Variants in ATP8B4 observed in about 807,000 individuals in gnomAD.
The protein encoded by ATP8B4 is ATPase phospholipid transporting 8B4 (putative), also known as probable phospholipid-transporting ATPase IM.
In ATP8B4, 133 loss-of-function variants were observed where a neutral mutation model predicts 145.6. That is an observed-to-expected ratio of 0.91 (90% CI 0.79 to 1.05). The LOEUF (loss-of-function observed/expected upper bound fraction) is 1.05. Ranked by LOEUF, ATP8B4 falls within the 50% of genes least tolerant of loss-of-function variation. ATP8B4 has a pLI of 0.00. For missense variants in ATP8B4, 1,458 were observed against 1,425.2 expected (o/e 1.02, Z -0.37); for synonymous variants, 507 against 492.9 (o/e 1.03, Z -0.38).
intron 2 of ATP8B4, among the ~76,000 whole-genome samples, chr15:50,096,183 A>G (rs1868461341): frequency 6.6e-6 from 1 of 152,218 alleles, no homozygotes; most frequent in Non-Finnish European, 1.5e-5. Context: ...GAGGCAGAGC[A>G]GCCTGAGAAG....
intron 1 of ATP8B4, among the ~76,000 whole-genome samples, chr15:50,172,423 C>A (rs572450509): frequency 1.3e-5 from 2 of 152,258 alleles, no homozygotes; most frequent in African/African-American, 2.4e-5. Flanking sequence ...GGATTGCAGA[C>A]GGAGTCTCGC....
At chr15:49,908,081 G>C (rs2038820318) in intron 20 of ATP8B4, 1 of 455,850 alleles carries the variant, frequency 2.2e-6, no homozygotes, top group Non-Finnish European at 4.4e-6. Context: ...TGTCCAACAG[G>C]GAAAACAGTA....
At chr15:49,939,889 C>CA (rs1463959412) in intron 14 of ATP8B4, among the ~76,000 whole-genome samples, 8 of 151,968 alleles carry the variant, frequency 5.3e-5, no homozygotes, top group Non-Finnish European at 1.2e-4. Context: ...ATTAGAAAGC[C>CA]AAAAACAACA....
intron 3 of ATP8B4, among the ~76,000 whole-genome samples, chr15:50,067,060 C>G (rs1185485118): frequency 6.6e-6 from 1 of 152,076 alleles, no homozygotes; most frequent in African/African-American, 2.4e-5. Context: ...TTCCCTCCCA[C>G]TCTCTAACAA....
At chr15:50,140,701 G>T (rs1247421421) in intron 1 of ATP8B4, among the ~76,000 whole-genome samples, 1 of 152,120 alleles carries the variant, frequency 6.6e-6, no homozygotes, top group Admixed American at 6.5e-5. Flanking sequence ...GAAAACTACT[G>T]ACATATGATT....
intron 25 of ATP8B4, among the ~76,000 whole-genome samples, chr15:49,873,748 G>A (rs1207519041): frequency 6.6e-6 from 1 of 152,132 alleles, no homozygotes; most frequent in Non-Finnish European, 1.5e-5. Context: ...TGTGGCGACC[G>A]CAGCACATCC....
intron 6 of ATP8B4, among the ~76,000 whole-genome samples, chr15:50,029,238 T>TAAAAAAAA (rs58363112): frequency 0.034 from 2,634 of 76,428 alleles, 175 homozygotes; most frequent in African/African-American, 0.062. Context: ...GACTCCATCT[T>TAAAAAAAA]AAAAAAAAAA....
intron 7 of ATP8B4, among the ~76,000 whole-genome samples, chr15:50,010,208 T>A (rs2048625304): frequency 6.6e-6 from 1 of 152,124 alleles, no homozygotes; most frequent in Non-Finnish European, 1.5e-5. Context: ...TCTCAATAAC[T>A]TTTGTTACCT....
chr15:50,095,746 C>G (rs1371040836), intron 2 of ATP8B4, among the ~76,000 whole-genome samples: 1 of 141,528 alleles, frequency 7.1e-6, no homozygotes, highest in Non-Finnish European at 1.5e-5. Flanking sequence ...CAGTGAGACC[C>G]TGTTTCTAAA....
chr15:49,895,498 G>T (rs752682377), intron 23 of ATP8B4: 7 of 152,166 alleles, frequency 4.6e-5, no homozygotes, highest in African/African-American at 9.7e-5. Context: ...AGAGATTTCA[G>T]TGTAAAAAAA....
chr15:49,894,419 A>G (rs1308077190), intron 23 of ATP8B4, among the ~76,000 whole-genome samples: 1 of 152,174 alleles, frequency 6.6e-6, no homozygotes. Flanking sequence ...CAGAGGCCCA[A>G]TTATTTTTAT....
At chr15:50,108,856 T>C (rs1188574886) in intron 1 of ATP8B4, among the ~76,000 whole-genome samples, 2 of 152,224 alleles carry the variant, frequency 1.3e-5, no homozygotes, top group Non-Finnish European at 2.9e-5. Flanking sequence ...CAAGGCTCCA[T>C]AGCTGTATCT....
chr15:49,970,727 C>T (rs892219910), intron 13 of ATP8B4, among the ~76,000 whole-genome samples: 1 of 152,174 alleles, frequency 6.6e-6, no homozygotes, highest in Non-Finnish European at 1.5e-5. Flanking sequence ...GTGCTATCCC[C>T]ATCAAGCTAC....
At chr15:49,968,831 G>A (rs769838249) in intron 13 of ATP8B4, among the ~76,000 whole-genome samples, 46 of 152,130 alleles carry the variant, frequency 3.0e-4, no homozygotes, top group Non-Finnish European at 6.3e-4. Flanking sequence ...ATTCTTCTCA[G>A]CACCACATTG....
rs2032301559 is a variant in ATP8B4, at chr15:49,863,846, A to G, written c.3167-1471T>C. 2.6e-5 allele frequency among the ~76,000 whole-genome samples: 4 copies of G among 152,132 alleles called. No individual in the cohort carries two copies. In the South Asian group the frequency reaches 8.3e-4, roughly 32 times the overall value. On this transcript the variant is annotated intron_variant, in intron 26 of 27. Coordinates refer to ENST00000284509, the MANE Select transcript of ATP8B4 (RefSeq NM_024837.4). ...AAATTTTCCTGAAACCCCAATGTTG[A>G]TCTAACTTTTAAAAAATTTCACTGG...
intron 1 of ATP8B4, among the ~76,000 whole-genome samples, chr15:50,174,862 T>C (rs945555878): frequency 6.6e-6 from 1 of 151,786 alleles, no homozygotes; most frequent in African/African-American, 2.4e-5. Flanking sequence ...AAAGAACAAA[T>C]CTGGAGGCAT....
chr15:49,898,746 T>C (rs898429236), intron 21 of ATP8B4, among the ~76,000 whole-genome samples: 28 of 152,182 alleles, frequency 1.8e-4, no homozygotes, highest in African/African-American at 6.5e-4. Flanking sequence ...GAAAAGCAGA[T>C]GATCTGGGGA....
At chr15:50,053,318 C>T (rs1248661341) in intron 3 of ATP8B4, among the ~76,000 whole-genome samples, 1 of 152,202 alleles carries the variant, frequency 6.6e-6, no homozygotes, top group Non-Finnish European at 1.5e-5. Context: ...GGATTTGGAT[C>T]TAGCAATAGA....
intron 3 of ATP8B4, among the ~76,000 whole-genome samples, chr15:50,069,664 T>TTTG (rs1375109376): frequency 6.6e-6 from 1 of 152,296 alleles, no homozygotes; most frequent in South Asian, 2.1e-4. Context: ...TAGGGTTTGT[T>TTTG]TTGTTGTTGT....
Sources: allele counts gnomAD v4.1 joint callset (sites outside exome capture counted in the v4.1 genomes callset), GRCh38; gene constraint gnomAD v4.1.1; transcripts MANE v1.5; gene names NCBI Gene and HGNC (gene_info 2026-07-23, HGNC 2026-07-21).